The following PSG6 variants were observed in gnomAD, a reference collection of about 807,000 sequenced individuals.
PSG6 encodes pregnancy-specific beta-1-glycoprotein 6.
A neutral mutation model predicts 43.3 loss-of-function variants in PSG6; 51 were observed. The ratio of observed to expected loss-of-function variants is 1.18; its 90% CI spans 0.94 to 1.49. PSG6 has a LOEUF of 1.49. Ranked by LOEUF, PSG6 falls within the 40% of genes most tolerant of loss-of-function variation. The pLI is 0.00. For synonymous variants in PSG6, 292 were observed against 197.6 expected, an observed-to-expected ratio of 1.48 and a Z score of -4.01; for missense variants, 770 against 522.2, an observed-to-expected ratio of 1.47 and a Z score of -4.62.
At chr19:42,912,923 G>C (rs1290152700) in intron 2 of PSG6, among the ~76,000 whole-genome samples, 3 of 151,600 alleles carry the variant, frequency 2.0e-5, no homozygotes, top group Non-Finnish European at 4.4e-5. Context: ...CCCGTTAAGT[G>C]TATGTGACAG....
chr19:42,914,362 G>A lies in PSG6; in HGVS notation c.427+1763C>T, dbSNP rs1195940166. On this transcript the variant is annotated intron_variant, in intron 2 of 5. Transcript: ENST00000187910. ...AGGGAGTGTCTGGGGAAGGCCTAGG[G>A]TTGGAGGAAGAAGCTGTGCAGGACA... Among the ~76,000 whole-genome samples, 3 of 151,100 alleles carry A rather than the reference G, an allele frequency of 2.0e-5. 1 individual carries two copies. The highest frequency in any genetic ancestry group is 2.9e-5 in the Non-Finnish European group (2 of 67,806).
intron 2 of PSG6, among the ~76,000 whole-genome samples, chr19:42,911,109 A>G (rs944303273): frequency 2.0e-5 from 3 of 151,588 alleles, no homozygotes; most frequent in Non-Finnish European, 4.4e-5. Flanking sequence ...GGTCATGGAA[A>G]GACACAGGAC....
intron 2 of PSG6, among the ~76,000 whole-genome samples, chr19:42,912,131 A>G (rs1346623731): frequency 6.6e-6 from 1 of 151,650 alleles, no homozygotes; most frequent in Non-Finnish European, 1.5e-5. Flanking sequence ...AAAATCCACA[A>G]TGCGCGAGTG....
chr19:42,902,467 G>T (rs1392557223), intron 5 of PSG6, 21 bp from the exon 6 acceptor site: 3 of 1,608,532 alleles, frequency 1.9e-6, no homozygotes, highest in Admixed American at 3.4e-5. Flanking sequence ...GAAGGCCCAG[G>T]TCAGCGCATT....
At chr19:42,911,774 G>A (rs1358024112) in intron 2 of PSG6, among the ~76,000 whole-genome samples, 2 of 151,718 alleles carry the variant, frequency 1.3e-5, no homozygotes, top group East Asian at 1.9e-4. Context: ...TTGGGAAGAA[G>A]TCTTGCAGAT....
In PSG6 at chr19:42,915,586, C is replaced by A. The variant is rs1050943175; in HGVS notation, c.427+539G>T. 4.1e-4 allele frequency: 68 copies of A among 164,640 alleles called. 2 individuals are homozygous for A. The highest frequency in any genetic ancestry group is 3.1e-3 in the Middle Eastern group (1 of 322). The allele number at this position is 164,640 out of a possible 1,614,324, so 10.2% of individuals were successfully genotyped here. On this transcript the variant is annotated intron_variant, in intron 2 of 5. Coordinates refer to ENST00000187910, the MANE Select transcript of PSG6 (RefSeq NM_001031850.4). ...CCAGATGAGGCTCTGAGGACTGAGC[C>A]CTGGCTGGTGAACAGCTCCAGGAGA... is the stretch of plus-strand genomic sequence containing the variant.
chr19:42,913,035 T>A (rs993302356), intron 2 of PSG6, among the ~76,000 whole-genome samples: 7 of 151,694 alleles, frequency 4.6e-5, no homozygotes, highest in African/African-American at 1.7e-4. Flanking sequence ...TTTTCCCCAC[T>A]CTTTTTGAGC....
At chr19:42,911,289 C>A (rs1450203608) in intron 2 of PSG6, among the ~76,000 whole-genome samples, 3 of 151,536 alleles carry the variant, frequency 2.0e-5, no homozygotes, top group African/African-American at 7.3e-5. Flanking sequence ...CAAGGACATC[C>A]TAGAGATGGA....
intron 5 of PSG6, among the ~76,000 whole-genome samples, chr19:42,903,040 T>C (rs977695816): frequency 1.3e-5 from 2 of 151,630 alleles, no homozygotes; most frequent in Non-Finnish European, 2.9e-5. Context: ...TCCATTTTGC[T>C]GATGAAAAGA....
At chr19:42,903,739 A>C (rs1972070616) in intron 5 of PSG6, 4 of 1,512,560 alleles carry the variant, frequency 2.6e-6, no homozygotes, top group Non-Finnish European at 3.5e-6. Flanking sequence ...AAAAAAAAAA[A>C]CCAATTAGCT....
At chr19:42,906,755 G>T in intron 5 of PSG6, 167 bp downstream of exon 5, 1 of 1,565,958 alleles carries the variant, frequency 6.4e-7, no homozygotes, top group Non-Finnish European at 8.7e-7. Context: ...AAAACAAGCA[G>T]AAGAGAGTCT....
At chr19:42,916,101 C>G (rs1356120665) in intron 2 of PSG6, 24 bp downstream of exon 2, 2 of 1,608,410 alleles carry the variant, frequency 1.2e-6, no homozygotes, top group African/African-American at 1.3e-5. Flanking sequence ...CCCCAACACC[C>G]AGGGATCATG....
At position 42,916,364 on chromosome 19, in the gene PSG6, G is replaced by C. The variant is rs1268195806; in HGVS notation, c.188C>G (p.Thr63Ser). The part of the protein sequence containing the change: ...LLVHNLPQNL[T>S]GYIWYKGQMT... ...TTGCCCTTTGTACCAGATGTAGCCA[G>C]TAAGATTCTGGGGCAAATTGTGGAC... The change falls in exon 2 of 6, where the codon ACT becomes AGT. Residue 63 changes from threonine to serine, a missense_variant. Coordinates refer to ENST00000187910, the MANE Select transcript of PSG6 (RefSeq NM_001031850.4). The C allele has an allele frequency of 2.5e-6, 4 of 1,612,214 alleles. No individual in the cohort carries two copies. The highest frequency in any genetic ancestry group is 3.4e-6 in the Non-Finnish European group (4 of 1,179,160).
At position 42,916,479 on chromosome 19, in the gene PSG6, A is replaced by G. The variant is rs751409890; in HGVS notation, c.73T>C (p.Leu25=). The stretch of plus-strand genomic sequence containing the variant: ...GTGGTGGGCAGGTTCCAGAAGTTTA[A>G]AAGTGATGCTAGGAGGTAGAGACAG... ...WKGLLLTASL[L]NFWNLPTTAQ... The change falls in exon 2 of 6, where the codon TTA becomes CTA. Residue 25 remains leucine, a synonymous_variant. Coordinates refer to ENST00000187910, the MANE Select transcript of PSG6 (RefSeq NM_001031850.4). The G allele has an allele frequency of 1.2e-6, 2 of 1,609,694 alleles. No individual in the cohort carries two copies. The highest frequency in any genetic ancestry group is 1.7e-6 in the Non-Finnish European group (2 of 1,178,010).
At chr19:42,904,654 T>C (rs976072851) in intron 5 of PSG6, among the ~76,000 whole-genome samples, 5 of 151,722 alleles carry the variant, frequency 3.3e-5, no homozygotes, top group Non-Finnish European at 4.4e-5. Flanking sequence ...CATCAATAAA[T>C]TGAAAGACAT....
rs536926431 is a variant in PSG6 at position 42,917,274 on chromosome 19, A to C, written c.64+455T>G. On this transcript the variant is annotated intron_variant, in intron 1 of 5. Transcript: ENST00000187910. ...AATTCCGGTTCAATGTGACTTTCCT[A>C]TTTTGACCCCTGTCCCTCTCTGGTG... 4.1e-4 allele frequency among the ~76,000 whole-genome samples: 62 copies of C among 150,548 alleles called. 1 individual carries two copies. The highest frequency in any genetic ancestry group is 1.4e-3 in the African/African-American group (57 of 40,990).
intron 3 of PSG6, among the ~76,000 whole-genome samples, chr19:42,908,148 C>G (rs1311614026): frequency 6.6e-6 from 1 of 151,632 alleles, no homozygotes; most frequent in African/African-American, 2.4e-5. Context: ...CCCAGTCCCT[C>G]CATAATCAGT....
intron 5 of PSG6, chr19:42,903,578 T>C (rs925657552): frequency 2.8e-6 from 4 of 1,419,312 alleles, no homozygotes; most frequent in Admixed American, 6.2e-5. Context: ...AGAGAAAAGA[T>C]AAAATTACTC....
At chr19:42,913,105 T>A (rs1429173568) in intron 2 of PSG6, among the ~76,000 whole-genome samples, 1 of 151,680 alleles carries the variant, frequency 6.6e-6, no homozygotes, top group Non-Finnish European at 1.5e-5. Flanking sequence ...GATTCTTTCC[T>A]CAGCTCTGTG....
Sources: allele counts gnomAD v4.1 joint callset (sites outside exome capture counted in the v4.1 genomes callset), GRCh38; gene constraint gnomAD v4.1.1; transcripts MANE v1.5; gene names NCBI Gene and HGNC (gene_info 2026-07-23, HGNC 2026-07-21).